ADAMTS15: variants seen among roughly 807,000 people sequenced by gnomAD.
The protein encoded by ADAMTS15 is ADAM metallopeptidase with thrombospondin type 1 motif 15.
ADAMTS15 carries 35 observed loss-of-function variants against 79.1 expected under a neutral mutation model. That is an observed-to-expected ratio of 0.44 (90% CI 0.34 to 0.59). The LOEUF is 0.59. ADAMTS15 is among the 20% of genes least tolerant of loss of function. ADAMTS15 has a pLI of 0.02. For missense variants in ADAMTS15, 1,324 were observed against 1,318.7 expected (o/e 1.00, Z -0.06); for synonymous variants, 616 against 567.3 (o/e 1.09, Z -1.22).
At chr11:130,457,330 A>G (rs2134721819) in intron 1 of ADAMTS15, among the ~76,000 whole-genome samples, 1 of 152,012 alleles carries the variant, frequency 6.6e-6, no homozygotes, top group South Asian at 2.1e-4. Flanking sequence ...CTGGGAAATG[A>G]GAAGAGGTAG....
intron 4 of ADAMTS15, 149 bp from the exon 5 acceptor site, chr11:130,469,113 A>G: frequency 1.3e-6 from 1 of 798,996 alleles, no homozygotes; most frequent in Non-Finnish European, 1.7e-6. Context: ...CCATTTGTTT[A>G]TTGTTTTTTC....
At chr11:130,470,168 A>ACATG (rs1289468941) in intron 5 of ADAMTS15, among the ~76,000 whole-genome samples, 7 of 58,670 alleles carry the variant, frequency 1.2e-4, no homozygotes, top group African/African-American at 4.0e-4. Context: ...ATATATATAT[A>ACATG]TATATATATA....
chr11:130,449,108 C>G lies in ADAMTS15; in HGVS notation c.135C>G (p.Pro45=). ...INGRRYYWRG[P]EDSGDQGLIF... ...GCCGCCGCTACTACTGGCGGGGTCC[C>G]GAGGACTCCGGGGATCAGGGACTCA... is the stretch of plus-strand genomic sequence containing the variant. Residue 45 remains proline (P), a synonymous_variant, in exon 1 of 8, where the codon CCC becomes CCG. Transcript: ENST00000299164. This position sits in a 1 kb window ranked among gnomAD's most constrained non-coding sequence, Gnocchi z 7.8. 1 of 1,585,988 alleles carries G rather than the reference C, an allele frequency of 6.3e-7. No homozygotes were observed. Among genetic ancestry groups the G allele is most frequent in the Non-Finnish European group, 8.6e-7 (1 of 1,162,082 alleles).
rs1491500152 is a variant in ADAMTS15, at chr11:130,470,134, A to ATGTG, written c.1720+696_1720+697insGTGT. Reference sequence around the variant, plus strand: ...ATTACTGAATCATATATATATATACATATATATATATATATATGTGTATAT... The same window carrying ATGTG: ...ATTACTGAATCATATATATATATACATGTGTATATATATATATATATGTGTATAT... On this transcript the variant is annotated intron_variant, in intron 5 of 7. Transcript: ENST00000299164. 5.4e-4 allele frequency among the ~76,000 whole-genome samples: 38 copies of ATGTG among 71,002 alleles called. 1 individual carries two copies. Among genetic ancestry groups the ATGTG allele is most frequent in the African/African-American group, 2.6e-3 (37 of 14,402 alleles). The allele number at this position is 71,002 out of a possible 152,430, so 46.6% of individuals were successfully genotyped here.
chr11:130,457,889 T>C (rs1335707186), intron 1 of ADAMTS15, among the ~76,000 whole-genome samples: 2 of 152,190 alleles, frequency 1.3e-5, no homozygotes, highest in Non-Finnish European at 2.9e-5. Flanking sequence ...CATACAGCTG[T>C]GTCTTCCCAC....
At position 130,473,426 on chromosome 11, in the gene ADAMTS15, G is replaced by A; in HGVS notation, c.2458G>A (p.Val820Ile). The change falls in exon 8 of 8, where the codon GTC becomes ATC. Residue 820 changes from valine to isoleucine, a missense_variant. Physicochemically the swap from Val to Ile is conservative, Grantham distance 29. Transcript: ENST00000299164. ...SHPKDPRGPSVLHNSVLSLSN... is the reference protein window; with the variant it reads ...SHPKDPRGPSILHNSVLSLSN... ...TCCCAAGGACCCCCGGGGACCCTCTGTCTTGCACAACAGCGTCCTCAGCCT... is the reference window on the plus strand; with the variant it reads ...TCCCAAGGACCCCCGGGGACCCTCTATCTTGCACAACAGCGTCCTCAGCCT... 6.2e-7 allele frequency: 1 copy of A among 1,612,814 alleles called. No individual in the cohort carries two copies. The highest frequency in any genetic ancestry group is 1.3e-5 in the African/African-American group (1 of 75,070).
intron 4 of ADAMTS15, among the ~76,000 whole-genome samples, 190 bp from the exon 5 acceptor site, chr11:130,469,072 T>C (rs1347424835): frequency 6.6e-6 from 1 of 152,040 alleles, no homozygotes; most frequent in Non-Finnish European, 1.5e-5. Flanking sequence ...ATTAGTTGGT[T>C]GGAATGTCGG....
At chr11:130,470,134 A>ACACATG (rs1555081000) in intron 5 of ADAMTS15, among the ~76,000 whole-genome samples, 2 of 71,026 alleles carry the variant, frequency 2.8e-5, no homozygotes, top group African/African-American at 1.4e-4. Context: ...ATATATATAC[A>ACACATG]TATATATATA....
In ADAMTS15 at chr11:130,449,551, C is replaced by A. The variant is rs2134713463; in HGVS notation, c.578C>A (p.Pro193Gln). The A allele has an allele frequency of 1.9e-6, 3 of 1,580,840 alleles. No homozygotes were observed. Among genetic ancestry groups the A allele is most frequent in the Admixed American group, 1.7e-5 (1 of 58,270 alleles). The change falls in exon 1 of 8, where the codon CCG becomes CAG. Residue 193 changes from proline to glutamine, a missense_variant. By Grantham distance (76) the Pro-to-Gln change is moderately conservative. Coordinates refer to ENST00000299164, the MANE Select transcript of ADAMTS15 (RefSeq NM_139055.4). The surrounding 1 kb of genome is among the most constrained non-coding windows in gnomAD (Gnocchi z 7.8). ...CTACGGGCCCTGGACCCTTACAAGCCGCGGCGGGCGGGCTTCGGGGAGAGT... is the reference window on the plus strand; with the variant it reads ...CTACGGGCCCTGGACCCTTACAAGCAGCGGCGGGCGGGCTTCGGGGAGAGT... ...AILRALDPYK[P>Q]RRAGFGESRS...
At chr11:130,459,645 G>A (rs1357391099) in intron 1 of ADAMTS15, among the ~76,000 whole-genome samples, 1 of 152,220 alleles carries the variant, frequency 6.6e-6, no homozygotes, top group African/African-American at 2.4e-5. Flanking sequence ...GGCAGACCTG[G>A]CTGGGTGTGC....
At position 130,473,737 on chromosome 11, in the gene ADAMTS15, C is replaced by T. The variant is rs758469919; in HGVS notation, c.2769C>T (p.His923=). ...FQRRSLKCVG[H]GGRLLARDQC... is the part of the protein sequence containing the mutation. The stretch of plus-strand genomic sequence containing the variant: ...GGCGCTCACTCAAGTGTGTGGGCCA[C>T]GGAGGCCGGCTGCTGGCCCGGGACC... The change falls in exon 8 of 8, where the codon CAC becomes CAT. Residue 923 remains histidine (H), a synonymous_variant. Transcript: ENST00000299164. 30 of 1,599,520 alleles carry T rather than the reference C, an allele frequency of 1.9e-5. No homozygotes were observed. Among genetic ancestry groups the T allele is most frequent in the Middle Eastern group, 1.6e-4 (1 of 6,080 alleles).
chr11:130,473,846 C>G lies in ADAMTS15; in HGVS notation c.*25C>G, dbSNP rs1288449523. 6.4e-7 allele frequency: 1 copy of G among 1,566,388 alleles called. No homozygotes were observed. The highest frequency in any genetic ancestry group is 1.7e-5 in the Admixed American group (1 of 57,926). ...AGTGGGGTCATCGCTTTCTCCCCCT[C>G]ACTCTCCACCCCACTGATATGCCAG... is the stretch of plus-strand genomic sequence containing the variant. On this transcript the variant is annotated 3_prime_UTR_variant, in exon 8 of 8. Transcript: ENST00000299164.
chr11:130,465,831 T>G (rs1463931989), intron 4 of ADAMTS15, among the ~76,000 whole-genome samples: 1 of 151,822 alleles, frequency 6.6e-6, no homozygotes, highest in Non-Finnish European at 1.5e-5. Flanking sequence ...CTTTACTGCT[T>G]CTTCCTTGTA....
Position 130,462,474 on chromosome 11 carries a change from C to A in ADAMTS15, c.1259-23C>A. ...ACCTCATCTTCCCAGCTCATCCTAA[C>A]GAACGCCCTCGGCTCTCTGCAGGTG... On this transcript the variant is annotated intron_variant, in intron 3 of 7. Coordinates refer to ENST00000299164, the MANE Select transcript of ADAMTS15 (RefSeq NM_139055.4). The surrounding 1 kb of genome is among the most constrained non-coding windows in gnomAD (Gnocchi z 4.3). 1.3e-6 allele frequency: 2 copies of A among 1,561,458 alleles called. No individual in the cohort carries two copies. Among genetic ancestry groups the A allele is most frequent in the Non-Finnish European group, 1.7e-6 (2 of 1,148,976 alleles).
chr11:130,460,889 C>T (rs1938185465), intron 1 of ADAMTS15, among the ~76,000 whole-genome samples: 1 of 152,128 alleles, frequency 6.6e-6, no homozygotes, highest in African/African-American at 2.4e-5. Flanking sequence ...GCGTGTGTCC[C>T]CTTGAGCTTC....
intron 2 of ADAMTS15, 50 bp downstream of exon 2, chr11:130,461,671 C>G: frequency 6.2e-7 from 1 of 1,608,090 alleles, no homozygotes; most frequent in African/African-American, 1.3e-5. Flanking sequence ...GCCTGGGGAG[C>G]CTGGAGGGTG....
At chr11:130,459,248 T>TAC in intron 1 of ADAMTS15, among the ~76,000 whole-genome samples, 1 of 152,084 alleles carries the variant, frequency 6.6e-6, no homozygotes, top group Non-Finnish European at 1.5e-5. Flanking sequence ...TAATACCAGC[T>TAC]ACTAGGGAGG....
chr11:130,460,073 T>C (rs1741262690), intron 1 of ADAMTS15, among the ~76,000 whole-genome samples: 1 of 152,192 alleles, frequency 6.6e-6, no homozygotes, highest in Non-Finnish European at 1.5e-5. Context: ...ATTTAATACA[T>C]CATAGCCATG....
intron 1 of ADAMTS15, among the ~76,000 whole-genome samples, chr11:130,451,727 T>C (rs574381988): frequency 6.6e-6 from 1 of 152,300 alleles, no homozygotes; most frequent in South Asian, 2.1e-4. Context: ...GGCTGGCTTC[T>C]GGAGTCAGCC....
Sources: gnomAD v4.1 joint callset for allele counts (sites outside exome capture counted in the v4.1 genomes callset) on GRCh38, gnomAD v4.1.1 for gene constraint, Gnocchi (gnomAD v3.1) non-coding constraint, MANE v1.5 for transcripts, NCBI Gene and HGNC (gene_info 2026-07-23, HGNC 2026-07-21) for gene names.